UFC1: variants seen among roughly 807,000 people sequenced by gnomAD.
UFC1 encodes ubiquitin-fold modifier-conjugating enzyme 1.
In UFC1, 22 loss-of-function variants were observed where a neutral mutation model predicts 28.0. That is an observed-to-expected ratio of 0.78 (90% CI 0.56 to 1.12). UFC1 has a LOEUF of 1.12. Among genes scored for constraint, UFC1 ranks in the 50% most tolerant of loss-of-function variants. The probability of loss-of-function intolerance (pLI) is 0.00; values close to 1 mark genes in which losing one functional copy is unlikely to be tolerated. For synonymous variants in UFC1, 61 were observed against 74.5 expected, an observed-to-expected ratio of 0.82 and a Z score of 0.93; for missense variants, 189 against 207.8, an observed-to-expected ratio of 0.91 and a Z score of 0.56.
At position 161,156,938 on chromosome 1, in the gene UFC1, C is replaced by T; in HGVS notation, c.124-12C>T. ...CAACTACTCTCTCAAAGACCTCATT[C>T]TCTGCTTTCAGTATGTGGAGAACAA... is the stretch of plus-strand genomic sequence containing the variant. On this transcript the variant is annotated splice_polypyrimidine_tract_variant and intron_variant, in intron 1 of 5. Coordinates refer to ENST00000368003, the MANE Select transcript of UFC1 (RefSeq NM_016406.4). 6.2e-7 allele frequency: 1 copy of T among 1,613,822 alleles called. No individual in the cohort carries two copies. The highest frequency in any genetic ancestry group is 2.2e-5 in the East Asian group (1 of 44,884).
At chr1:161,156,184 A>G (rs1467830832) in intron 1 of UFC1, among the ~76,000 whole-genome samples, 1 of 152,202 alleles carries the variant, frequency 6.6e-6, no homozygotes, top group Non-Finnish European at 1.5e-5. Flanking sequence ...CCCACTTACC[A>G]GTATAGCCTT....
chr1:161,156,819 G>A (rs1312099242), intron 1 of UFC1, 131 bp from the exon 2 acceptor site: 1 of 788,648 alleles, frequency 1.3e-6, no homozygotes, highest in African/African-American at 1.7e-5. Flanking sequence ...TCCAGCCTGT[G>A]CGACGGGAGC....
chr1:161,158,068 G>T (rs932958640), intron 4 of UFC1, 53 bp from the exon 5 acceptor site: 3 of 1,487,528 alleles, frequency 2.0e-6, no homozygotes, highest in Admixed American at 3.3e-5. Flanking sequence ...AGAGGCTGCT[G>T]TGCTTTATGG....
chr1:161,156,877 C>G (rs1657523651), intron 1 of UFC1, 73 bp from the exon 2 acceptor site: 2 of 1,281,706 alleles, frequency 1.6e-6, no homozygotes, highest in South Asian at 1.3e-5. Context: ...TAACCACATA[C>G]TTTTCTTTTG....
chr1:161,156,858 TA>T (rs1181976168), intron 1 of UFC1, 91 bp from the exon 2 acceptor site: 54 of 1,153,960 alleles, frequency 4.7e-5, no homozygotes, highest in Non-Finnish European at 6.0e-5. Flanking sequence ...AAATAAAAAA[TA>T]AAAAAAATAA....
In UFC1 at chr1:161,158,736, A is replaced by G. The variant is rs1478836803; in HGVS notation, c.*244A>G. On this transcript the variant is annotated 3_prime_UTR_variant, in exon 6 of 6. Transcript: ENST00000368003. ...GCTTTGGACAATCTAGAGGTAATTT[A>G]TATCCGCCCCCAGGTGGAGCAACAT... The G allele has an allele frequency of 1.2e-5, 6 of 516,954 alleles. No homozygotes were observed. The highest frequency in any genetic ancestry group is 2.1e-5 in the Non-Finnish European group (6 of 285,506). The allele number at this position is 516,954 out of a possible 1,614,324, so 32.0% of individuals were successfully genotyped here.
At chr1:161,155,684 T>G (rs953967315) in intron 1 of UFC1, among the ~76,000 whole-genome samples, 1 of 152,172 alleles carries the variant, frequency 6.6e-6, no homozygotes, top group Non-Finnish European at 1.5e-5. Context: ...TTGTAGAATA[T>G]TCAGAAGGTA....
rs1657639969 is a variant in UFC1, at chr1:161,158,783, T to G, written c.*291T>G. ...ACATGCGATTCTGGAGGCACGGGGG[T>G]AACTGAAAGTGAGTACATATAGTCT... On this transcript the variant is annotated 3_prime_UTR_variant, in exon 6 of 6. Coordinates refer to ENST00000368003, the MANE Select transcript of UFC1 (RefSeq NM_016406.4). The G allele has an allele frequency of 2.4e-6, 1 of 425,212 alleles. No individual in the cohort carries two copies. Among genetic ancestry groups the G allele is most frequent in the Non-Finnish European group, 4.4e-6 (1 of 227,698 alleles). 26.3% of individuals were successfully genotyped at this position (425,212 alleles called of 1,614,324 possible). A position where few individuals can be genotyped will look rare whatever the true frequency, so the allele number is the denominator to read the frequency against.
Position 161,157,652 on chromosome 1 carries a change from T to G in UFC1, c.291T>G (p.Ile97Met), listed in dbSNP as rs755580966. 2.4e-5 allele frequency: 38 copies of G among 1,614,116 alleles called. No homozygotes were observed. In the South Asian group the frequency reaches 3.5e-4, roughly 15 times the overall value. Residue 97 changes from isoleucine to methionine, a missense_variant, in exon 4 of 6, where the codon ATT (isoleucine) becomes ATG (methionine). Coordinates refer to ENST00000368003, the MANE Select transcript of UFC1 (RefSeq NM_016406.4). ...CATATCCTACTACTGCCCCAGAAAT[T>G]GCAGTTCCTGAGCTGGATGGAAAGA... Reference protein sequence around the residue: ...PITYPTTAPEIAVPELDGKTA... With the variant: ...PITYPTTAPEMAVPELDGKTA...
intron 3 of UFC1, 118 bp from the exon 4 acceptor site, chr1:161,157,499 T>A: frequency 4.8e-6 from 6 of 1,252,864 alleles, no homozygotes; most frequent in Non-Finnish European, 6.9e-6. Context: ...CTGGTATGGA[T>A]GTGCTCCTTG....
At chr1:161,154,306 G>T (rs546309099) in intron 1 of UFC1, among the ~76,000 whole-genome samples, 186 bp downstream of exon 1, 68 of 152,234 alleles carry the variant, frequency 4.5e-4, no homozygotes, top group Middle Eastern at 3.4e-3. Context: ...AAAAAGACTC[G>T]GGTGAGGTGC....
At chr1:161,155,102 G>A (rs1657472792) in intron 1 of UFC1, among the ~76,000 whole-genome samples, 1 of 152,180 alleles carries the variant, frequency 6.6e-6, no homozygotes, top group East Asian at 1.9e-4. Context: ...ATAATACAGT[G>A]TTTAAGTGGA....
In UFC1 at chr1:161,158,608, G is replaced by C; in HGVS notation, c.*116G>C. 1 of 1,063,460 alleles carries C rather than the reference G, an allele frequency of 9.4e-7. No individual in the cohort carries two copies. Among genetic ancestry groups the C allele is most frequent in the Admixed American group, 2.0e-5 (1 of 50,994 alleles). 65.9% of individuals were successfully genotyped at this position (1,063,460 alleles called of 1,614,324 possible). A position where few individuals can be genotyped will look rare whatever the true frequency, so the allele number is the denominator to read the frequency against. ...CCCCGGACACCCTCCACCTCTAGTT[G>C]TTACTAAGTAGCTGCAGTAGGCATT... On this transcript the variant is annotated 3_prime_UTR_variant, in exon 6 of 6. Coordinates refer to ENST00000368003, the MANE Select transcript of UFC1 (RefSeq NM_016406.4).
chr1:161,156,929 G>C, intron 1 of UFC1, 21 bp from the exon 2 acceptor site: 1 of 1,612,780 alleles, frequency 6.2e-7, no homozygotes, highest in Non-Finnish European at 8.5e-7. Flanking sequence ...CTCTCTCAAA[G>C]ACCTCATTCT....
intron 4 of UFC1, 65 bp downstream of exon 4, chr1:161,157,758 G>A: frequency 1.0e-5 from 14 of 1,379,642 alleles, no homozygotes; most frequent in Non-Finnish European, 1.4e-5. Context: ...CGTGGCGGGA[G>A]GGAGAGCATC....
rs1042805403 is a variant in UFC1, at chr1:161,157,469, T to A, written c.256-148T>A. 569 of 1,260,786 alleles carry A rather than the reference T, an allele frequency of 4.5e-4. 1 individual carries two copies. The highest frequency in any genetic ancestry group is 4.4e-4 in the Non-Finnish European group (386 of 877,014). 78.1% of individuals were successfully genotyped at this position (1,260,786 alleles called of 1,614,324 possible). A position where few individuals can be genotyped will look rare whatever the true frequency, so the allele number is the denominator to read the frequency against. ...TGAGGCAAGCATAAGTTATATTTACTCATCTCCACATCCAGAATCCTGGTA... is the reference window on the plus strand; with the variant it reads ...TGAGGCAAGCATAAGTTATATTTACACATCTCCACATCCAGAATCCTGGTA... On this transcript the variant is annotated intron_variant, in intron 3 of 5. Coordinates refer to ENST00000368003, the MANE Select transcript of UFC1 (RefSeq NM_016406.4).
intron 1 of UFC1, among the ~76,000 whole-genome samples, chr1:161,156,745 G>C (rs766332204): frequency 4.6e-5 from 7 of 152,068 alleles, no homozygotes; most frequent in Admixed American, 6.6e-5. Context: ...AGGAGACTGA[G>C]GAAGGAGAAT....
intron 3 of UFC1, 93 bp downstream of exon 3, chr1:161,157,410 A>G: frequency 6.5e-7 from 1 of 1,527,142 alleles, no homozygotes; most frequent in Non-Finnish European, 9.1e-7. Flanking sequence ...GGGACCAAAG[A>G]AAACTTTAAA....
At chr1:161,155,810 A>C (rs950318073) in intron 1 of UFC1, among the ~76,000 whole-genome samples, 1 of 152,242 alleles carries the variant, frequency 6.6e-6, no homozygotes, top group African/African-American at 2.4e-5. Context: ...ATTCAGGAGG[A>C]TAATTCAGGA....
Sources: allele counts gnomAD v4.1 joint callset (sites outside exome capture counted in the v4.1 genomes callset), GRCh38; gene constraint gnomAD v4.1.1; transcripts MANE v1.5; gene names NCBI Gene and HGNC (gene_info 2026-07-23, HGNC 2026-07-21).